The following DNM1 variants were observed in gnomAD, a reference collection of about 807,000 sequenced individuals.
The protein encoded by DNM1 is dynamin 1.
Under a neutral mutation model 104.6 loss-of-function variants are expected in DNM1, and 29 were observed. The ratio of observed to expected loss-of-function variants is 0.28; its 90% CI spans 0.21 to 0.38. The LOEUF (loss-of-function observed/expected upper bound fraction) is 0.38, where lower values mean the gene tolerates loss of function less well. DNM1 is among the 10% of genes least tolerant of loss of function. DNM1 has a pLI of 1.00. For synonymous variants in DNM1, 445 were observed against 475.8 expected (o/e 0.94, Z 0.84); for missense variants, 640 against 1,189.4 (o/e 0.54, Z 6.79).
At position 128,240,184 on chromosome 9, in the gene DNM1, G is replaced by A. The variant is rs756598165; in HGVS notation, c.1557+188G>A. ...GCCGCATCCACCCGTCCATCTGTGT[G>A]CACGAGCCAAGCACCTACTTCAGGC... On this transcript the variant is annotated intron_variant, in intron 14 of 21. Coordinates refer to ENST00000372923, the MANE Select transcript of DNM1 (RefSeq NM_004408.4). This position sits in a 1 kb window ranked among gnomAD's most constrained non-coding sequence, Gnocchi z 5.1. Among the ~76,000 whole-genome samples, 4 of 152,322 alleles carry A rather than the reference G, an allele frequency of 2.6e-5. 1 individual carries two copies. The South Asian group carries it at 8.3e-4, about 32-fold the overall frequency.
At chr9:128,231,941 G>GC (rs1564340091) in intron 10 of DNM1, 3 of 452,332 alleles carry the variant, frequency 6.6e-6, no homozygotes, top group South Asian at 4.7e-5. Flanking sequence ...CAGGCTGATC[G>GC]CCCCCTCAGC....
At chr9:128,217,144 G>A (rs570511824) in intron 1 of DNM1, among the ~76,000 whole-genome samples, 1 of 152,340 alleles carries the variant, frequency 6.6e-6, no homozygotes, top group South Asian at 2.1e-4. Context: ...TGGGGACGGG[G>A]GATGACTTTG....
intron 1 of DNM1, among the ~76,000 whole-genome samples, chr9:128,217,510 G>A (rs1038854892): frequency 1.1e-4 from 16 of 152,068 alleles, no homozygotes; most frequent in African/African-American, 1.9e-4. Flanking sequence ...TCCGCCTCCC[G>A]GGTTCAAACA....
At chr9:128,244,479 G>C (rs1234744822) in intron 15 of DNM1, among the ~76,000 whole-genome samples, 1 of 151,942 alleles carries the variant, frequency 6.6e-6, no homozygotes, top group East Asian at 1.9e-4. Flanking sequence ...TGGGGTGAGG[G>C]AGGCTCTTTG....
At position 128,247,438 on chromosome 9, in the gene DNM1, C is replaced by A; in HGVS notation, c.1845C>A (p.Ser615Arg). 6.2e-7 allele frequency: 1 copy of A among 1,613,706 alleles called. No individual in the cohort carries two copies. The highest frequency in any genetic ancestry group is 8.5e-7 in the Non-Finnish European group (1 of 1,179,716). The stretch of plus-strand genomic sequence containing the variant: ...GTGAGACACAGGAGGAGGTGGACAG[C>A]TGGAAGGCCTCCTTCCTGAGGGCTG... ...LACETQEEVD[S>R]WKASFLRAGV... The change falls in exon 17 of 22, where the codon AGC (serine) becomes AGA (arginine). Residue 615 changes from serine to arginine, a missense_variant. Coordinates refer to ENST00000372923, the MANE Select transcript of DNM1 (RefSeq NM_004408.4). The surrounding 1 kb of genome is among the most constrained non-coding windows in gnomAD (Gnocchi z 5.1).
At chr9:128,207,370 G>A (rs1834032253) in intron 1 of DNM1, among the ~76,000 whole-genome samples, 1 of 152,070 alleles carries the variant, frequency 6.6e-6, no homozygotes, top group Admixed American at 6.5e-5. Flanking sequence ...GGGGGTAAGT[G>A]TAGATGGGGG....
rs911136324 is a variant in DNM1, at chr9:128,250,079, A to G, written c.2077-36A>G. On this transcript the variant is annotated intron_variant, in intron 19 of 21. Transcript: ENST00000372923. The stretch of plus-strand genomic sequence containing the variant: ...GGGCGGCCAGGGCGGCACAGGCATC[A>G]GGTCCCCACCTCCTTCCCTCTTTGC... 3.1e-6 allele frequency: 5 copies of G among 1,613,572 alleles called. No individual in the cohort carries two copies. In the African/African-American group the frequency reaches 6.7e-5, roughly 22 times the overall value.
chr9:128,220,742 C>CGCGCGCGCGG lies in DNM1; in HGVS notation c.849+402_849+403insCGCGCGCGGG, dbSNP rs61020870. On this transcript the variant is annotated intron_variant, in intron 6 of 21. Transcript: ENST00000372923. The surrounding 1 kb of genome is among the most constrained non-coding windows in gnomAD (Gnocchi z 5.2). ...CAGAACTGAAGTGCGCGCGCGCGCG[C>CGCGCGCGCGG]GTGTGTGTGTGTGTGTGTGTGTGTG... Among the ~76,000 whole-genome samples the CGCGCGCGCGG allele has an allele frequency of 7.3e-6, 1 of 136,364 alleles. No individual in the cohort carries two copies. Among genetic ancestry groups the CGCGCGCGCGG allele is most frequent in the Admixed American group, 7.3e-5 (1 of 13,674 alleles). The allele number at this position is 136,364 out of a possible 152,430, so 89.5% of individuals were successfully genotyped here.
intron 1 of DNM1, among the ~76,000 whole-genome samples, chr9:128,209,861 C>A (rs1025763998): frequency 6.6e-6 from 1 of 152,178 alleles, no homozygotes; most frequent in Non-Finnish European, 1.5e-5. Flanking sequence ...GCACAGGCTT[C>A]AGCTGGGCAC....
chr9:128,211,309 T>G lies in DNM1; in HGVS notation c.162-6922T>G, dbSNP rs184440972. Among the ~76,000 whole-genome samples the G allele has an allele frequency of 1.8e-3, 268 of 152,274 alleles. 2 individuals are homozygous for G. Among genetic ancestry groups the G allele is most frequent in the African/African-American group, 6.2e-3 (259 of 41,548 alleles). On this transcript the variant is annotated intron_variant, in intron 1 of 21. Transcript: ENST00000372923. Reference sequence around the variant, plus strand: ...TGCCCTCAAAACGGAACCCCACACCTGAGTTGGGCCCCTGAGGGCTGATTA... The same window carrying G: ...TGCCCTCAAAACGGAACCCCACACCGGAGTTGGGCCCCTGAGGGCTGATTA...
Position 128,245,488 on chromosome 9 carries a change from C to A in DNM1, c.1672-906C>A, listed in dbSNP as rs1184618863. ...GGTACCTCCTCCCTAGATCCCTGAA[C>A]CCCTCCCCTGGGACACAGCAGCCTA... is the stretch of plus-strand genomic sequence containing the variant. On this transcript the variant is annotated intron_variant, in intron 15 of 21. Coordinates refer to ENST00000372923, the MANE Select transcript of DNM1 (RefSeq NM_004408.4). The surrounding 1 kb of genome is among the most constrained non-coding windows in gnomAD (Gnocchi z 5.2). Among the ~76,000 whole-genome samples the A allele has an allele frequency of 6.6e-6, 1 of 152,068 alleles. No individual in the cohort carries two copies. The highest frequency in any genetic ancestry group is 6.6e-5 in the Admixed American group (1 of 15,266).
chr9:128,250,626 G>A (rs984563820), intron 20 of DNM1, 99 bp from the exon 21 acceptor site: 2 of 1,135,698 alleles, frequency 1.8e-6, no homozygotes, highest in South Asian at 1.8e-5. Flanking sequence ...AGGGGCTTGC[G>A]TGCATGGGCG....
At chr9:128,216,824 C>T (rs1045643328) in intron 1 of DNM1, among the ~76,000 whole-genome samples, 49 of 152,178 alleles carry the variant, frequency 3.2e-4, no homozygotes, top group Non-Finnish European at 1.0e-4. Flanking sequence ...CTCTGTAGAG[C>T]TTGAATGTAT....
At position 128,236,492 on chromosome 9, in the gene DNM1, T is replaced by C. The variant is rs112093630; in HGVS notation, c.1422+2385T>C. Among the ~76,000 whole-genome samples the C allele has an allele frequency of 7.4e-4, 113 of 152,280 alleles. 1 individual carries two copies. The highest frequency in any genetic ancestry group is 2.6e-3 in the African/African-American group (108 of 41,550). On this transcript the variant is annotated intron_variant, in intron 11 of 21. Transcript: ENST00000372923. ...TTCAATCAGTATCGAAGTGGTTAAA[T>C]TACAAGGAGATAGCCCTCCATTCAC...
chr9:128,233,207 T>G (rs1835805380), intron 10 of DNM1, among the ~76,000 whole-genome samples: 1 of 152,118 alleles, frequency 6.6e-6, no homozygotes, highest in Non-Finnish European at 1.5e-5. Flanking sequence ...GCTGCTGAGC[T>G]CCTACCCCAA....
In DNM1 at chr9:128,220,742, C is replaced by CGCGCGCGCGCGCGTGTGTGTGT. The variant is rs61020870; in HGVS notation, c.849+402_849+403insCGCGCGCGCGCGTGTGTGTGTG. On this transcript the variant is annotated intron_variant, in intron 6 of 21. Coordinates refer to ENST00000372923, the MANE Select transcript of DNM1 (RefSeq NM_004408.4). The surrounding 1 kb of genome is among the most constrained non-coding windows in gnomAD (Gnocchi z 5.2). ...CAGAACTGAAGTGCGCGCGCGCGCGCGTGTGTGTGTGTGTGTGTGTGTGTG... is the reference window on the plus strand; with the variant it reads ...CAGAACTGAAGTGCGCGCGCGCGCGCGCGCGCGCGCGCGTGTGTGTGTGTGTGTGTGTGTGTGTGTGTGTGTG... 1.5e-5 allele frequency among the ~76,000 whole-genome samples: 2 copies of CGCGCGCGCGCGCGTGTGTGTGT among 136,278 alleles called. No individual in the cohort carries two copies. Among genetic ancestry groups the CGCGCGCGCGCGCGTGTGTGTGT allele is most frequent in the African/African-American group, 5.3e-5 (2 of 37,720 alleles). 89.4% of individuals were successfully genotyped at this position (136,278 alleles called of 152,430 possible).
chr9:128,229,857 G>A (rs1169550373), intron 10 of DNM1, among the ~76,000 whole-genome samples: 1 of 151,814 alleles, frequency 6.6e-6, no homozygotes. Flanking sequence ...AGGTTGCAGT[G>A]AGCCAAGATC....
chr9:128,244,881 C>A lies in DNM1; in HGVS notation c.1672-1513C>A, dbSNP rs373272982. On this transcript the variant is annotated intron_variant, in intron 15 of 21. Transcript: ENST00000372923. ...ATCCGGTGGGCGCTTCAGCCCCATC[C>A]CCTGGAGATCCGAGAACCCCCCAAC... The A allele has an allele frequency of 1.1e-3, 504 of 469,014 alleles. 2 individuals are homozygous for A. Among genetic ancestry groups the A allele is most frequent in the African/African-American group, 8.9e-3 (453 of 51,016 alleles). The allele number at this position is 469,014 out of a possible 1,614,324, so 29.1% of individuals were successfully genotyped here.
chr9:128,248,324 A>C lies in DNM1; in HGVS notation c.1906-259A>C. The C allele has an allele frequency of 2.3e-6, 1 of 440,060 alleles. No individual in the cohort carries two copies. The allele number at this position is 440,060 out of a possible 1,614,324, so 27.3% of individuals were successfully genotyped here. A position where few individuals can be genotyped will look rare whatever the true frequency, so the allele number is the denominator to read the frequency against. The stretch of plus-strand genomic sequence containing the variant: ...GGGTGACAAAGCAAGACTTTCTCAA[A>C]ATAATAATAATAATAATTTCTGGAT... On this transcript the variant is annotated intron_variant, in intron 18 of 21. Transcript: ENST00000372923. The surrounding 1 kb of genome is among the most constrained non-coding windows in gnomAD (Gnocchi z 5.6).
Sources: allele counts gnomAD v4.1 joint callset (sites outside exome capture counted in the v4.1 genomes callset), GRCh38; gene constraint gnomAD v4.1.1; non-coding constraint Gnocchi (gnomAD v3.1); transcripts MANE v1.5; gene names NCBI Gene and HGNC (gene_info 2026-07-23, HGNC 2026-07-21).